The following CAMK2B variants were observed in gnomAD, a reference collection of about 807,000 sequenced individuals.
CAMK2B encodes calcium/calmodulin dependent protein kinase II beta.
In CAMK2B, 27 loss-of-function variants were observed where a neutral mutation model predicts 93.7. That is an observed-to-expected ratio of 0.29 (90% CI 0.21 to 0.40). CAMK2B has a LOEUF of 0.40. Among genes scored for constraint, CAMK2B ranks in the 10% least tolerant of loss-of-function variants. The pLI, the probability that CAMK2B is intolerant of heterozygous loss-of-function variation, is 1.00. For missense variants in CAMK2B, 568 were observed against 895.8 expected (o/e 0.63, Z 4.67); for synonymous variants, 374 against 358.8 (o/e 1.04, Z -0.48).
At chr7:44,317,167 T>C (rs114425407) in intron 1 of CAMK2B, among the ~76,000 whole-genome samples, 2,079 of 151,808 alleles carry the variant, frequency 0.014, 58 homozygotes, top group African/African-American at 0.048. Flanking sequence ...TGAATAAGTC[T>C]TCAGGAGAGC....
intron 1 of CAMK2B, among the ~76,000 whole-genome samples, chr7:44,293,718 A>C (rs1489010946): frequency 6.6e-6 from 1 of 152,138 alleles, no homozygotes; most frequent in Non-Finnish European, 1.5e-5. Flanking sequence ...AGAATCTGAC[A>C]CCTCCGCTGA....
intron 18 of CAMK2B, 191 bp from the exon 19 acceptor site, chr7:44,229,115 C>T (rs2096552411): frequency 3.0e-6 from 2 of 673,652 alleles, no homozygotes; most frequent in East Asian, 2.8e-5. Context: ...GAGGCCTGCA[C>T]CGACCCTGAA....
intron 13 of CAMK2B, among the ~76,000 whole-genome samples, chr7:44,237,216 C>T (rs759240918): frequency 1.3e-5 from 2 of 152,244 alleles, no homozygotes; most frequent in African/African-American, 4.8e-5. Flanking sequence ...GGCCCATCGG[C>T]GGGGCTGGCA....
rs114053075 is a variant in CAMK2B at position 44,261,694 on chromosome 7, A to G, written c.220+1311T>C. On this transcript the variant is annotated intron_variant, in intron 3 of 23. Transcript: ENST00000395749. ...TTAAAAATAGTTATATACTTATTTA[A>G]TGGTTTAAAAGAAAACCTAACTGGC... Among the ~76,000 whole-genome samples the G allele has an allele frequency of 6.0e-3, 921 of 152,360 alleles. 10 individuals are homozygous for G. Among genetic ancestry groups the G allele is most frequent in the African/African-American group, 0.021 (873 of 41,570 alleles).
chr7:44,226,827 G>A (rs540051567), intron 19 of CAMK2B, among the ~76,000 whole-genome samples, 183 bp from the exon 20 acceptor site: 1 of 57,548 alleles, frequency 1.7e-5, no homozygotes, highest in African/African-American at 8.2e-5. Flanking sequence ...TGGTGGACCT[G>A]GGCCGACAGA....
At chr7:44,238,884 A>C (rs2096649952) in intron 13 of CAMK2B, among the ~76,000 whole-genome samples, 1 of 151,574 alleles carries the variant, frequency 6.6e-6, no homozygotes, top group African/African-American at 2.4e-5. Context: ...GGGTCTGCCC[A>C]TGGTCACAAG....
intron 5 of CAMK2B, among the ~76,000 whole-genome samples, chr7:44,251,493 A>T (rs2096780332): frequency 6.6e-6 from 1 of 152,174 alleles, no homozygotes. Context: ...CCCCATGCTG[A>T]GGCTGTCGCA....
chr7:44,242,923 C>T (rs2096695622), intron 8 of CAMK2B, among the ~76,000 whole-genome samples: 1 of 152,206 alleles, frequency 6.6e-6, no homozygotes, highest in African/African-American at 2.4e-5. Context: ...GAGACCCCTA[C>T]CCAAGGAGGT....
chr7:44,303,765 T>G (rs1554454796), intron 1 of CAMK2B, among the ~76,000 whole-genome samples: 1 of 152,178 alleles, frequency 6.6e-6, no homozygotes, highest in Non-Finnish European at 1.5e-5. Flanking sequence ...TAATTAAAAG[T>G]AAAAAGTTCT....
intron 16 of CAMK2B, among the ~76,000 whole-genome samples, chr7:44,231,668 G>A (rs555333177): frequency 4.6e-5 from 7 of 152,264 alleles, no homozygotes; most frequent in South Asian, 2.1e-4. Context: ...CATTCCTGTC[G>A]CCCACATTCC....
intron 1 of CAMK2B, among the ~76,000 whole-genome samples, chr7:44,324,125 C>T (rs892840697): frequency 3.3e-4 from 51 of 152,334 alleles, no homozygotes; most frequent in African/African-American, 1.1e-3. Flanking sequence ...ATGAACACAC[C>T]CCCACACTCC....
chr7:44,280,642 CAT>C (rs895839123), intron 2 of CAMK2B, among the ~76,000 whole-genome samples: 1 of 152,236 alleles, frequency 6.6e-6, no homozygotes, highest in Non-Finnish European at 1.5e-5. Flanking sequence ...TTCACTGACA[CAT>C]GTCACGGAGC....
chr7:44,306,777 AG>A (rs1791699705), intron 1 of CAMK2B, among the ~76,000 whole-genome samples: 1 of 99,444 alleles, frequency 1.0e-5, no homozygotes, highest in African/African-American at 3.9e-5. Flanking sequence ...GGATGCGAGC[AG>A]GGGAGGAGGG....
intron 1 of CAMK2B, among the ~76,000 whole-genome samples, chr7:44,301,807 T>C (rs1790120698): frequency 6.7e-6 from 1 of 149,532 alleles, no homozygotes; most frequent in African/African-American, 2.5e-5. Context: ...AAAATAGAAA[T>C]CTAAAATCAG....
intron 2 of CAMK2B, among the ~76,000 whole-genome samples, chr7:44,272,111 G>A (rs190260954): frequency 5.3e-4 from 80 of 152,196 alleles, no homozygotes; most frequent in African/African-American, 1.7e-3. Context: ...GGGACTTCTC[G>A]GAGCCCTTCA....
Position 44,220,992 on chromosome 7 carries a change from C to T in CAMK2B, c.1598-91G>A, listed in dbSNP as rs756240512. 4.9e-5 allele frequency: 51 copies of T among 1,045,756 alleles called. 1 individual carries two copies. Among genetic ancestry groups the T allele is most frequent in the Non-Finnish European group, 6.5e-5 (46 of 706,630 alleles). The allele number at this position is 1,045,756 out of a possible 1,614,324, so 64.8% of individuals were successfully genotyped here. ...GCCCAGGGGAGGGCCTGGGGGAGCG[C>T]GAGCTGCATCCATGCCGTGTTCCTG... On this transcript the variant is annotated intron_variant, in intron 20 of 23. Transcript: ENST00000395749.
At chr7:44,230,554 C>A (rs181050750) in intron 17 of CAMK2B, among the ~76,000 whole-genome samples, 1 of 152,158 alleles carries the variant, frequency 6.6e-6, no homozygotes, top group African/African-American at 2.4e-5. Context: ...AGAAACCCAC[C>A]GCAGCAGGAC....
rs146239826 is a variant in CAMK2B at position 44,254,458 on chromosome 7, G to A, written c.341+84C>T. On this transcript the variant is annotated intron_variant, in intron 5 of 23. Transcript: ENST00000395749. ...GATGCTCAGCACCAGACGTGGGTTAGAAAGAGCAGCAGGAGTGGGTGAAGG... is the reference window on the plus strand; with the variant it reads ...GATGCTCAGCACCAGACGTGGGTTAAAAAGAGCAGCAGGAGTGGGTGAAGG... 112 of 1,010,758 alleles carry A rather than the reference G, an allele frequency of 1.1e-4. No individual in the cohort carries two copies. The African/African-American group carries it at 1.6e-3, about 14-fold the overall frequency. 62.6% of individuals were successfully genotyped at this position (1,010,758 alleles called of 1,614,324 possible). A position where few individuals can be genotyped will look rare whatever the true frequency, so the allele number is the denominator to read the frequency against.
intron 12 of CAMK2B, 54 bp from the exon 13 acceptor site, chr7:44,239,717 G>A (rs550061171): frequency 1.3e-5 from 16 of 1,254,318 alleles, no homozygotes; most frequent in East Asian, 7.7e-5. Flanking sequence ...GGACACAGAC[G>A]AGGGGTGGGC....
Sources: allele counts gnomAD v4.1 joint callset (sites outside exome capture counted in the v4.1 genomes callset), GRCh38; gene constraint gnomAD v4.1.1; transcripts MANE v1.5; gene names NCBI Gene and HGNC (gene_info 2026-07-23, HGNC 2026-07-21).